Variants in CCSER1 observed in about 807,000 individuals in gnomAD.
CCSER1 encodes the protein serine-rich coiled-coil domain-containing protein 1.
Under a neutral mutation model 82.0 loss-of-function variants are expected in CCSER1, and 41 were observed. That is an observed-to-expected ratio of 0.50 (90% CI 0.39 to 0.65). The LOEUF is 0.65. Among genes scored for constraint, CCSER1 ranks in the 30% least tolerant of loss-of-function variants. The pLI is 0.00. For missense variants in CCSER1, 1,119 were observed against 1,064.2 expected (o/e 1.05, Z -0.72); for synonymous variants, 414 against 383.9 (o/e 1.08, Z -0.92).
intron 1 of CCSER1, among the ~76,000 whole-genome samples, chr4:90,223,393 A>G (rs936102917): frequency 6.6e-6 from 1 of 152,282 alleles, no homozygotes; most frequent in Middle Eastern, 3.4e-3. Context: ...CTAACCCTTC[A>G]TTATTTATAT....
In CCSER1 at chr4:90,158,774, G is replaced by A. The variant is rs531377741; in HGVS notation, c.-42+30943G>A. Reference sequence around the variant, plus strand: ...GGACTGACCCGATTTTCCAGGTGCTGTCTGTCACCCCTTTCTTTGACTAGG... The same window carrying A: ...GGACTGACCCGATTTTCCAGGTGCTATCTGTCACCCCTTTCTTTGACTAGG... On this transcript the variant is annotated intron_variant, in intron 1 of 10. Transcript: ENST00000509176. Among the ~76,000 whole-genome samples, 5 of 152,270 alleles carry A rather than the reference G, an allele frequency of 3.3e-5. No homozygotes were observed. In the South Asian group the frequency reaches 6.2e-4, roughly 19 times the overall value.
chr4:90,209,665 T>G (rs1242759051), intron 1 of CCSER1, among the ~76,000 whole-genome samples: 1 of 152,192 alleles, frequency 6.6e-6, no homozygotes, highest in East Asian at 1.9e-4. Flanking sequence ...CATTGCATTT[T>G]GAATTTCAGT....
At chr4:90,645,695 G>A (rs1047742211) in intron 6 of CCSER1, among the ~76,000 whole-genome samples, 1 of 152,030 alleles carries the variant, frequency 6.6e-6, no homozygotes, top group Admixed American at 6.6e-5. Context: ...GCTTTGATAA[G>A]GTGTGATCTA....
At position 90,274,628 on chromosome 4, in the gene CCSER1, C is replaced by T. The variant is rs144952512; in HGVS notation, c.-41-33616C>T. Reference sequence around the variant, plus strand: ...TCTTTTAATATTTTAGATATGTCTACGAGATCCAAAGTATATTTTTTATAC... The same window carrying T: ...TCTTTTAATATTTTAGATATGTCTATGAGATCCAAAGTATATTTTTTATAC... On this transcript the variant is annotated intron_variant, in intron 1 of 10. Coordinates refer to ENST00000509176, the MANE Select transcript of CCSER1 (RefSeq NM_001145065.2). Among the ~76,000 whole-genome samples the T allele has an allele frequency of 9.1e-3, 1,378 of 152,080 alleles. 24 individuals are homozygous for T. Among genetic ancestry groups the T allele is most frequent in the African/African-American group, 0.031 (1,307 of 41,520 alleles).
At chr4:90,518,310 G>C (rs1772558268) in intron 5 of CCSER1, among the ~76,000 whole-genome samples, 1 of 152,080 alleles carries the variant, frequency 6.6e-6, no homozygotes, top group African/African-American at 2.4e-5. Flanking sequence ...TAAGAACTGA[G>C]TGTGTAATTT....
intron 8 of CCSER1, among the ~76,000 whole-genome samples, chr4:90,817,389 T>C (rs1264541421): frequency 2.6e-5 from 4 of 152,060 alleles, no homozygotes; most frequent in Admixed American, 6.6e-5. Flanking sequence ...AAATTGGACC[T>C]TCATTTGCTG....
At chr4:90,165,058 T>G (rs1193572373) in intron 1 of CCSER1, among the ~76,000 whole-genome samples, 1 of 152,132 alleles carries the variant, frequency 6.6e-6, no homozygotes, top group Non-Finnish European at 1.5e-5. Context: ...TTCTGGATTC[T>G]AATCCTAAAC....
chr4:91,022,312 T>A (rs1740061432), intron 9 of CCSER1, among the ~76,000 whole-genome samples: 1 of 152,020 alleles, frequency 6.6e-6, no homozygotes, highest in African/African-American at 2.4e-5. Flanking sequence ...TTCATCCATG[T>A]CCCTACAAAA....
intron 10 of CCSER1, among the ~76,000 whole-genome samples, chr4:91,503,277 G>A (rs1379515067): frequency 1.3e-5 from 2 of 151,320 alleles, no homozygotes; most frequent in Non-Finnish European, 2.9e-5. Flanking sequence ...GGGAGGCGGA[G>A]CTTGCAGTGA....
At chr4:91,150,430 G>T (rs1175960533) in intron 10 of CCSER1, among the ~76,000 whole-genome samples, 1 of 152,262 alleles carries the variant, frequency 6.6e-6, no homozygotes, top group East Asian at 1.9e-4. Context: ...TGCAAACAGG[G>T]ACAATTTGAC....
At chr4:91,467,488 A>T (rs1756988723) in intron 10 of CCSER1, among the ~76,000 whole-genome samples, 1 of 152,214 alleles carries the variant, frequency 6.6e-6, no homozygotes, top group Non-Finnish European at 1.5e-5. Context: ...AACAAATGCC[A>T]AAATAGACAA....
chr4:90,555,963 G>C lies in CCSER1; in HGVS notation c.1725-72062G>C, dbSNP rs145890039. Among the ~76,000 whole-genome samples the C allele has an allele frequency of 3.3e-3, 495 of 152,112 alleles. 5 individuals are homozygous for C. Among genetic ancestry groups the C allele is most frequent in the Non-Finnish European group, 4.2e-3 (282 of 67,932 alleles). ...TTATTTCCTAATATTTTACCAATTGGCATCCATAATGTAGACAGTTCAAGT... is the reference window on the plus strand; with the variant it reads ...TTATTTCCTAATATTTTACCAATTGCCATCCATAATGTAGACAGTTCAAGT... On this transcript the variant is annotated intron_variant, in intron 5 of 10. Transcript: ENST00000509176.
At chr4:91,065,993 A>G (rs1250553511) in intron 9 of CCSER1, among the ~76,000 whole-genome samples, 1 of 152,152 alleles carries the variant, frequency 6.6e-6, no homozygotes, top group Admixed American at 6.5e-5. Context: ...ACTTTATCAA[A>G]CATTCATCCA....
intron 10 of CCSER1, among the ~76,000 whole-genome samples, chr4:91,415,521 C>A (rs1021540610): frequency 2.0e-5 from 3 of 152,016 alleles, no homozygotes; most frequent in Non-Finnish European, 4.4e-5. Context: ...CAGCTTTTGC[C>A]CATTCTGTAT....
intron 9 of CCSER1, among the ~76,000 whole-genome samples, chr4:90,952,832 C>A (rs1733052047): frequency 6.6e-6 from 1 of 151,902 alleles, no homozygotes; most frequent in Admixed American, 6.6e-5. Context: ...TGCTTCTGCC[C>A]ACTCCCACTA....
intron 5 of CCSER1, among the ~76,000 whole-genome samples, chr4:90,624,859 T>C (rs1159940412): frequency 6.6e-6 from 1 of 152,194 alleles, no homozygotes; most frequent in Non-Finnish European, 1.5e-5. Context: ...ACTAACAATT[T>C]CACTGAAGAT....
chr4:91,115,671 G>T (rs1726496972), intron 10 of CCSER1, among the ~76,000 whole-genome samples: 1 of 151,692 alleles, frequency 6.6e-6, no homozygotes, highest in South Asian at 2.1e-4. Flanking sequence ...CTGGCTCAGG[G>T]TACATACTAA....
At chr4:91,273,977 G>GTTT (rs1742231265) in intron 10 of CCSER1, among the ~76,000 whole-genome samples, 1 of 152,064 alleles carries the variant, frequency 6.6e-6, no homozygotes, top group Admixed American at 6.6e-5. Context: ...TCCAACACAA[G>GTTT]TATCACTTGG....
At position 91,179,868 on chromosome 4, in the gene CCSER1, T is replaced by C. The variant is rs536797998; in HGVS notation, c.2217+93874T>C. ...TTGCTGGCGAGGAGCTACATTCCTT[T>C]GGAGGAGAAGAGGCGCTCTGATTTT... On this transcript the variant is annotated intron_variant, in intron 10 of 10. Transcript: ENST00000509176. 2.6e-5 allele frequency among the ~76,000 whole-genome samples: 4 copies of C among 152,360 alleles called. No homozygotes were observed. In the South Asian group the frequency reaches 8.3e-4, roughly 32 times the overall value.
Sources: allele counts gnomAD v4.1 joint callset (sites outside exome capture counted in the v4.1 genomes callset), GRCh38; gene constraint gnomAD v4.1.1; transcripts MANE v1.5; gene names NCBI Gene and HGNC (gene_info 2026-07-23, HGNC 2026-07-21).